The following MTHFD1L variants were observed in gnomAD, a reference collection of about 807,000 sequenced individuals.
MTHFD1L encodes the protein monofunctional C1-tetrahydrofolate synthase, mitochondrial.
A neutral mutation model predicts 119.5 loss-of-function variants in MTHFD1L; 81 were observed. The observed-to-expected ratio is 0.68, with a 90% CI of 0.57 to 0.82. The LOEUF is 0.82. Ranked by LOEUF, MTHFD1L falls within the 40% of genes least tolerant of loss-of-function variation. The pLI is 0.00. For synonymous variants in MTHFD1L, 430 were observed against 475.2 expected, an observed-to-expected ratio of 0.90 and a Z score of 1.24; for missense variants, 1,125 against 1,253.4, an observed-to-expected ratio of 0.90 and a Z score of 1.55.
intron 18 of MTHFD1L, among the ~76,000 whole-genome samples, chr6:150,963,041 G>C (rs1457019113): frequency 6.6e-6 from 1 of 150,378 alleles, no homozygotes; most frequent in Admixed American, 6.7e-5. Flanking sequence ...TCAGCCTCTC[G>C]AGTTGCTGGG....
chr6:150,919,300 T>G (rs919252282), intron 9 of MTHFD1L, among the ~76,000 whole-genome samples: 4 of 152,020 alleles, frequency 2.6e-5, no homozygotes, highest in African/African-American at 9.7e-5. Context: ...CTTGGCTCAC[T>G]GCAACCTCCA....
At chr6:151,049,467 G>A (rs1420038883) in intron 26 of MTHFD1L, among the ~76,000 whole-genome samples, 2 of 148,132 alleles carry the variant, frequency 1.4e-5, no homozygotes, top group Admixed American at 6.8e-5. Flanking sequence ...ACTCCAGCCT[G>A]GGCAAGACAG....
intron 7 of MTHFD1L, chr6:150,898,996 C>T: frequency 9.8e-7 from 1 of 1,018,888 alleles, no homozygotes; most frequent in Non-Finnish European, 1.2e-6. Flanking sequence ...TATCCATTCC[C>T]AGAATGGTGC....
intron 6 of MTHFD1L, among the ~76,000 whole-genome samples, chr6:150,886,957 C>T (rs1427004198): frequency 6.8e-6 from 1 of 146,322 alleles, no homozygotes; most frequent in African/African-American, 2.5e-5. Context: ...GATCACACCG[C>T]AGCATTCCAT....
intron 26 of MTHFD1L, among the ~76,000 whole-genome samples, chr6:151,085,347 T>C (rs549842391): frequency 6.6e-6 from 1 of 152,346 alleles, no homozygotes; most frequent in East Asian, 1.9e-4. Flanking sequence ...GCTTGAGCTC[T>C]GTAGTACTGT....
intron 20 of MTHFD1L, among the ~76,000 whole-genome samples, chr6:150,978,997 T>C (rs113789221): frequency 0.032 from 4,808 of 152,292 alleles, 111 homozygotes; most frequent in South Asian, 0.061. Context: ...CCTAGCACTT[T>C]GGGAGGCCGA....
At chr6:151,034,385 C>T in intron 24 of MTHFD1L, 108 bp from the exon 25 acceptor site, 1 of 751,316 alleles carries the variant, frequency 1.3e-6, no homozygotes, top group Non-Finnish European at 2.3e-6. Flanking sequence ...TGAGGGGGTA[C>T]TCTGATAAGG....
chr6:150,909,164 C>T (rs983255685), intron 8 of MTHFD1L, among the ~76,000 whole-genome samples: 1 of 151,694 alleles, frequency 6.6e-6, no homozygotes, highest in Non-Finnish European at 1.5e-5. Context: ...TTATACCCAG[C>T]TAGTTGGTTC....
chr6:151,070,037 G>A (rs1207236703), intron 26 of MTHFD1L, among the ~76,000 whole-genome samples: 1 of 152,004 alleles, frequency 6.6e-6, no homozygotes, highest in East Asian at 1.9e-4. Context: ...ACCACCTCTG[G>A]CCCAAGTGGA....
intron 16 of MTHFD1L, among the ~76,000 whole-genome samples, chr6:150,951,443 A>G (rs900823548): frequency 2.0e-5 from 3 of 152,206 alleles, no homozygotes; most frequent in Non-Finnish European, 2.9e-5. Flanking sequence ...TAAAACTACT[A>G]TTCATAGTTT....
intron 26 of MTHFD1L, among the ~76,000 whole-genome samples, chr6:151,060,015 T>C (rs1247849200): frequency 6.6e-6 from 1 of 152,108 alleles, no homozygotes; most frequent in Non-Finnish European, 1.5e-5. Flanking sequence ...CAAGAGGACA[T>C]CTCTAAGATG....
chr6:150,947,014 G>A (rs1470880646), intron 15 of MTHFD1L, among the ~76,000 whole-genome samples: 1 of 150,754 alleles, frequency 6.6e-6, no homozygotes, highest in Non-Finnish European at 1.5e-5. Flanking sequence ...GGCGGAGCTT[G>A]CAGTGAGCCG....
In MTHFD1L at chr6:150,926,395, A is replaced by C; in HGVS notation, c.1256+100A>C. 9.0e-5 allele frequency: 97 copies of C among 1,075,864 alleles called. No individual in the cohort carries two copies. Among genetic ancestry groups the C allele is most frequent in the East Asian group, 1.5e-4 (6 of 39,844 alleles). 66.6% of individuals were successfully genotyped at this position (1,075,864 alleles called of 1,614,324 possible). On this transcript the variant is annotated intron_variant, in intron 11 of 27. Transcript: ENST00000367321. This position sits in a 1 kb window ranked among gnomAD's most constrained non-coding sequence, Gnocchi z 4.3. The stretch of plus-strand genomic sequence containing the variant: ...GTACCCCTCAATCCATCCTATTCTC[A>C]CATTTGACATTTCGTCCATTTCATT...
At chr6:151,048,638 A>G (rs1788481707) in intron 26 of MTHFD1L, among the ~76,000 whole-genome samples, 1 of 152,148 alleles carries the variant, frequency 6.6e-6, no homozygotes, top group African/African-American at 2.4e-5. Context: ...AGTGCCCACA[A>G]ATCCTATCTG....
At chr6:151,028,148 C>T (rs191373843) in intron 24 of MTHFD1L, among the ~76,000 whole-genome samples, 13 of 152,266 alleles carry the variant, frequency 8.5e-5, no homozygotes, top group Admixed American at 7.2e-4. Flanking sequence ...TTCATTCGTA[C>T]TACTGGCCCC....
rs551205965 is a variant in MTHFD1L, at chr6:150,982,001, C to G, written c.2125+9943C>G. ...ACTCGGGAGGCTGAGGTGGGAAGAT[C>G]ACTTGAGTCCAAAAGTTTAAGGCTG... On this transcript the variant is annotated intron_variant, in intron 20 of 27. Coordinates refer to ENST00000367321, the MANE Select transcript of MTHFD1L (RefSeq NM_015440.5). Among the ~76,000 whole-genome samples the G allele has an allele frequency of 2.0e-5, 3 of 152,128 alleles. No individual in the cohort carries two copies. In the South Asian group the frequency reaches 6.2e-4, roughly 32 times the overall value.
intron 20 of MTHFD1L, among the ~76,000 whole-genome samples, chr6:151,006,982 C>A (rs1035321610): frequency 6.6e-6 from 1 of 152,274 alleles, no homozygotes; most frequent in Middle Eastern, 3.4e-3. Flanking sequence ...CAGTCCCACT[C>A]CCCGGTACTA....
chr6:150,977,684 A>C (rs1042263160), intron 20 of MTHFD1L, among the ~76,000 whole-genome samples: 1 of 152,194 alleles, frequency 6.6e-6, no homozygotes, highest in African/African-American at 2.4e-5. Context: ...AGGATTTTTT[A>C]ATTTGTTTTC....
chr6:150,898,812 C>T (rs763964009), intron 7 of MTHFD1L: 2 of 371,720 alleles, frequency 5.4e-6, no homozygotes, highest in Non-Finnish European at 5.0e-6. Context: ...TATGTTTTTC[C>T]TAAAGTATAG....
Sources: allele counts gnomAD v4.1 joint callset (sites outside exome capture counted in the v4.1 genomes callset), GRCh38; gene constraint gnomAD v4.1.1; non-coding constraint Gnocchi (gnomAD v3.1); transcripts MANE v1.5; gene names NCBI Gene and HGNC (gene_info 2026-07-23, HGNC 2026-07-21).